Variants in FRMD7 observed in about 807,000 individuals in gnomAD.
FRMD7 encodes FERM domain-containing protein 7.
A neutral mutation model predicts 44.1 loss-of-function variants in FRMD7; 14 were observed. The ratio of observed to expected loss-of-function variants is 0.32; its 90% confidence interval spans 0.21 to 0.50. The LOEUF is 0.50. Ranked by LOEUF, FRMD7 falls within the 20% of genes least tolerant of loss-of-function variation. FRMD7 has a pLI of 0.99. For synonymous variants in FRMD7, 212 were observed against 187.4 expected (o/e 1.13, Z -1.07); for missense variants, 501 against 522.3 (o/e 0.96, Z 0.40).
At chrX:132,119,683 G>A (rs1189460816) in intron 1 of FRMD7, among the ~76,000 whole-genome samples, 1 of 111,466 alleles carries the variant, frequency 9.0e-6, no homozygotes, top group African/African-American at 3.3e-5. Context: ...TGTAGCTTTT[G>A]CACAGCAGCT....
chrX:132,089,775 G>T lies in FRMD7; in HGVS notation c.383-3741C>A, dbSNP rs149949209. Among the ~76,000 whole-genome samples, 149 of 111,943 alleles carry T rather than the reference G, an allele frequency of 1.3e-3. 2 individuals carry two copies. The East Asian group carries it at 0.038, about 28-fold the overall frequency. ...CATTAGGAAAATGCTAATTAAAATT[G>T]CAGTGAGATACTTTATACCCATTAG... is the stretch of plus-strand genomic sequence containing the variant. On this transcript the variant is annotated intron_variant, in intron 5 of 11. Transcript: ENST00000298542.
intron 3 of FRMD7, 87 bp downstream of exon 3, chrX:132,099,381 T>C: frequency 1.3e-6 from 1 of 762,419 alleles, no homozygotes; most frequent in South Asian, 2.1e-5. Flanking sequence ...TCCCCTTATA[T>C]TAAAATGAGA....
chrX:132,084,837 CA>C (rs1298000978), intron 7 of FRMD7, among the ~76,000 whole-genome samples: 1 of 111,230 alleles, frequency 9.0e-6, no homozygotes, highest in South Asian at 3.8e-4. Context: ...AGGGAGATCA[CA>C]AGAGGAAAGG....
chrX:132,124,442 T>C (rs1419902532), intron 1 of FRMD7, among the ~76,000 whole-genome samples: 2 of 111,769 alleles, frequency 1.8e-5, no homozygotes, highest in Admixed American at 1.9e-4. Context: ...TAAGATGACA[T>C]TTTCACTAAA....
At chrX:132,111,468 G>A (rs1048065978) in intron 1 of FRMD7, among the ~76,000 whole-genome samples, 1 of 111,296 alleles carries the variant, frequency 9.0e-6, no homozygotes, top group Non-Finnish European at 1.9e-5. Context: ...CTGGTCTTTT[G>A]GTGAACCTCA....
chrX:132,104,618 G>A (rs1006718855), intron 1 of FRMD7, among the ~76,000 whole-genome samples: 8 of 111,447 alleles, frequency 7.2e-5, no homozygotes, highest in East Asian at 2.8e-4. Flanking sequence ...GTGTGAACCC[G>A]GGAGGCGGAG....
At chrX:132,103,189 ATGCAGCC>A (rs1013672472) in intron 1 of FRMD7, among the ~76,000 whole-genome samples, 4 of 111,977 alleles carry the variant, frequency 3.6e-5, no homozygotes, top group African/African-American at 1.3e-4. Flanking sequence ...CTGTCTCAAC[ATGCAGCC>A]TTTAATTTTT....
intron 7 of FRMD7, 65 bp downstream of exon 7, chrX:132,085,516 C>G (rs1927953842): frequency 1.8e-6 from 2 of 1,089,778 alleles, no homozygotes. Context: ...AAAGGACACC[C>G]AAGTTTGAGC....
chrX:132,104,672 G>A (rs1027167507), intron 1 of FRMD7, among the ~76,000 whole-genome samples: 1 of 111,356 alleles, frequency 9.0e-6, no homozygotes. Context: ...CAGCCTGGGC[G>A]ACAGAGCAAG....
intron 1 of FRMD7, among the ~76,000 whole-genome samples, chrX:132,106,613 A>G (rs1186382324): frequency 8.9e-6 from 1 of 112,249 alleles, no homozygotes; most frequent in Non-Finnish European, 1.9e-5. Flanking sequence ...AAAGACATGG[A>G]ATCAACCTAA....
Position 132,077,957 on chromosome X carries a change from T to C in FRMD7, c.2060A>G (p.Asp687Gly), listed in dbSNP as rs369513628. The change falls in exon 12 of 12, where the codon GAT becomes GGT. Residue 687 changes from aspartate (D) to glycine (G), a missense_variant. Asp to Gly is a moderately conservative substitution (Grantham distance 94). Coordinates refer to ENST00000298542, the MANE Select transcript of FRMD7 (RefSeq NM_194277.3). ...IRLSSGSLQL[D>G]EEDEDAYFNT... Reference sequence around the variant, plus strand: ...GAAATAAGCATCTTCATCTTCTTCATCTAACTGTAGACTACCAGAAGACAG... The same window carrying C: ...GAAATAAGCATCTTCATCTTCTTCACCTAACTGTAGACTACCAGAAGACAG... The C allele has an allele frequency of 9.7e-5, 117 of 1,209,839 alleles. No homozygotes were observed. Among genetic ancestry groups the C allele is most frequent in the Non-Finnish European group, 1.3e-4 (113 of 895,028 alleles).
At chrX:132,095,586 T>G (rs1226618905) in intron 4 of FRMD7, among the ~76,000 whole-genome samples, 1 of 112,143 alleles carries the variant, frequency 8.9e-6, no homozygotes, top group Non-Finnish European at 1.9e-5. Flanking sequence ...AATTAGCAGG[T>G]GATTATTCAG....
At chrX:132,100,746 T>C (rs750924810) in intron 1 of FRMD7, 30 bp from the exon 2 acceptor site, 34 of 1,006,975 alleles carry the variant, frequency 3.4e-5, no homozygotes, top group Non-Finnish European at 4.5e-5. Context: ...GATAGCACAA[T>C]TTGCATTCCT....
intron 7 of FRMD7, 105 bp from the exon 8 acceptor site, chrX:132,084,690 G>T: frequency 1.9e-6 from 1 of 534,465 alleles, no homozygotes; most frequent in Non-Finnish European, 3.4e-6. Flanking sequence ...GACCGCCCTT[G>T]ACCCATCTCT....
At chrX:132,092,811 CA>C (rs1042118418) in intron 5 of FRMD7, among the ~76,000 whole-genome samples, 1 of 111,712 alleles carries the variant, frequency 9.0e-6, no homozygotes, top group Non-Finnish European at 1.9e-5. Context: ...ACCCCAGTGC[CA>C]AAGTACAATA....
intron 1 of FRMD7, among the ~76,000 whole-genome samples, chrX:132,120,991 G>A (rs779449301): frequency 5.4e-5 from 6 of 111,853 alleles, no homozygotes; most frequent in African/African-American, 1.9e-4. Flanking sequence ...TCTGACCTGG[G>A]TTTAGAAGCT....
Position 132,078,093 on chromosome X carries a change from C to T in FRMD7, c.1924G>A (p.Ala642Thr), listed in dbSNP as rs754604228. Residue 642 changes from alanine (A) to threonine (T), a missense_variant, in exon 12 of 12, where the codon GCA (alanine) becomes ACA (threonine). Coordinates refer to ENST00000298542, the MANE Select transcript of FRMD7 (RefSeq NM_194277.3). Reference protein sequence around the residue: ...LPAVLMDQSTAERYVASESSD... With the variant: ...LPAVLMDQSTTERYVASESSD... ...GATTCACTAGCTACATACCTTTCTG[C>T]TGTACTTTGATCCATTAGAACTGCT... 7 of 1,209,805 alleles carry T rather than the reference C, an allele frequency of 5.8e-6. No homozygotes were observed. The African/African-American group carries it at 1.2e-4, about 21-fold the overall frequency.
chrX:132,089,757 A>C (rs982866964), intron 5 of FRMD7, among the ~76,000 whole-genome samples: 3 of 112,242 alleles, frequency 2.7e-5, no homozygotes, highest in Non-Finnish European at 5.6e-5. Flanking sequence ...AGTCATTAGG[A>C]AAATGCTAAT....
chrX:132,086,716 T>C (rs1224216718), intron 5 of FRMD7, among the ~76,000 whole-genome samples: 1 of 111,340 alleles, frequency 9.0e-6, no homozygotes, highest in Non-Finnish European at 1.9e-5. Context: ...CCTCCAGAAT[T>C]GTGGAACATA....
Sources: gnomAD v4.1 joint callset for allele counts (sites outside exome capture counted in the v4.1 genomes callset) on GRCh38, gnomAD v4.1.1 for gene constraint, MANE v1.5 for transcripts, NCBI Gene and HGNC (gene_info 2026-07-23, HGNC 2026-07-21) for gene names.